Variants in CHD9 observed in about 807,000 individuals in gnomAD.
The protein encoded by CHD9 is ATP-dependent chromatin remodeler CHD9.
In CHD9, 77 loss-of-function variants were observed where a neutral mutation model predicts 316.1. The observed-to-expected ratio is 0.24, with a 90% CI of 0.20 to 0.29. The LOEUF (loss-of-function observed/expected upper bound fraction) is 0.29. CHD9 is among the 10% of genes least tolerant of loss of function. The pLI, the probability that CHD9 is intolerant of heterozygous loss-of-function variation, is 1.00. For synonymous variants in CHD9, 1,129 were observed against 1,158.3 expected (o/e 0.97, Z 0.51); for missense variants, 2,763 against 3,438.1 (o/e 0.80, Z 4.91).
At chr16:53,252,598 C>T (rs1463262453) in intron 17 of CHD9, among the ~76,000 whole-genome samples, 4 of 151,390 alleles carry the variant, frequency 2.6e-5, no homozygotes, top group Non-Finnish European at 5.9e-5. Flanking sequence ...AAACAGACAG[C>T]AGAGTAAACA....
At chr16:53,302,291 T>C in intron 30 of CHD9, among the ~76,000 whole-genome samples, 1 of 152,220 alleles carries the variant, frequency 6.6e-6, no homozygotes, top group East Asian at 1.9e-4. Flanking sequence ...TTTAATGACT[T>C]TGATACCTTT....
chr16:53,303,202 A>G (rs1267827085), intron 30 of CHD9, among the ~76,000 whole-genome samples: 2 of 146,184 alleles, frequency 1.4e-5, no homozygotes, highest in Non-Finnish European at 3.0e-5. Context: ...TTTTTTTGCA[A>G]TTTTTTTAAG....
At chr16:53,287,040 G>A (rs747852454) in intron 26 of CHD9, among the ~76,000 whole-genome samples, 1 of 152,084 alleles carries the variant, frequency 6.6e-6, no homozygotes. Flanking sequence ...TCTTACTGCA[G>A]CCTTGACCTC....
chr16:53,284,374 A>G (rs780479460), intron 24 of CHD9, among the ~76,000 whole-genome samples: 52 of 151,464 alleles, frequency 3.4e-4, no homozygotes, highest in Non-Finnish European at 1.5e-4. Context: ...TAATATACAT[A>G]TTTGTGTATG....
intron 27 of CHD9, among the ~76,000 whole-genome samples, chr16:53,290,515 T>G (rs1329219474): frequency 6.7e-6 from 1 of 149,956 alleles, no homozygotes; most frequent in Non-Finnish European, 1.5e-5. Flanking sequence ...AGGAGCTGGA[T>G]GCAGTGGCTC....
chr16:53,302,472 G>A (rs903775372), intron 30 of CHD9, among the ~76,000 whole-genome samples: 1 of 152,186 alleles, frequency 6.6e-6, no homozygotes, highest in Admixed American at 6.5e-5. Flanking sequence ...TATTACTGAT[G>A]ATGTTGACTT....
At chr16:53,091,933 GC>G (rs2035978648) in intron 1 of CHD9, among the ~76,000 whole-genome samples, 1 of 152,012 alleles carries the variant, frequency 6.6e-6, no homozygotes, top group African/African-American at 2.4e-5. Flanking sequence ...TATCCAAGCT[GC>G]AAGAGCATCC....
At chr16:53,149,736 A>T (rs1443016508) in intron 1 of CHD9, among the ~76,000 whole-genome samples, 1 of 150,768 alleles carries the variant, frequency 6.6e-6, no homozygotes, top group Non-Finnish European at 1.5e-5. Context: ...ATATATATAT[A>T]TTTTGTAGAA....
rs374873083 is a variant in CHD9, at chr16:53,066,680, AG to A, written c.-165+11604del. ...AGAGCCATACAGTCTTCTTGGTGTGAGCTATAGCTTCTTCTCTGCAGGCATT... is the reference window on the plus strand; with the variant it reads ...AGAGCCATACAGTCTTCTTGGTGTGACTATAGCTTCTTCTCTGCAGGCATT... On this transcript the variant is annotated intron_variant, in intron 1 of 38. Transcript: ENST00000447540. 8.5e-5 allele frequency among the ~76,000 whole-genome samples: 13 copies of A among 152,138 alleles called. No individual in the cohort carries two copies. The East Asian group carries it at 2.3e-3, about 27-fold the overall frequency.
intron 1 of CHD9, among the ~76,000 whole-genome samples, chr16:53,141,177 AG>A (rs1158804624): frequency 6.6e-6 from 1 of 152,188 alleles, no homozygotes; most frequent in Admixed American, 6.5e-5. Context: ...ATTATTTTAC[AG>A]TCATTTTTTG....
intron 29 of CHD9, 75 bp downstream of exon 29, chr16:53,293,127 T>C: frequency 7.6e-7 from 1 of 1,311,154 alleles, no homozygotes. Flanking sequence ...CTGGGTACAA[T>C]TATCACGCTT....
chr16:53,305,190 T>C (rs1310236045), intron 31 of CHD9, among the ~76,000 whole-genome samples: 1 of 151,988 alleles, frequency 6.6e-6, no homozygotes, highest in Non-Finnish European at 1.5e-5. Flanking sequence ...GCCTCCTGAG[T>C]AGCTAGGATT....
chr16:53,245,457 G>A lies in CHD9; in HGVS notation c.3176G>A (p.Gly1059Glu). Residue 1059 changes from glycine to glutamate, a missense_variant, in exon 14 of 39, where the codon GGG becomes GAG. By Grantham distance (98) the Gly-to-Glu change is moderately conservative (BLOSUM62 -2). Transcript: ENST00000447540. This position sits in a 1 kb window ranked among gnomAD's most constrained non-coding sequence, Gnocchi z 4.1. ...GAATCAACATTTATGCAAGAATTTG[G>A]GGATCTGAAAACAGAGGAACAGGTA... ...PSESTFMQEF[G>E]DLKTEEQVQK... 1.9e-6 allele frequency: 3 copies of A among 1,598,708 alleles called. No homozygotes were observed. The highest frequency in any genetic ancestry group is 2.6e-6 in the Non-Finnish European group (3 of 1,175,392).
intron 1 of CHD9, among the ~76,000 whole-genome samples, chr16:53,076,871 G>A (rs2152526155): frequency 6.6e-6 from 1 of 152,264 alleles, no homozygotes; most frequent in South Asian, 2.1e-4. Flanking sequence ...CAAGGTCTCA[G>A]TGGCAGGATC....
chr16:53,259,265 AAATTT>A (rs2050871693), intron 19 of CHD9, among the ~76,000 whole-genome samples: 2 of 152,340 alleles, frequency 1.3e-5, no homozygotes, highest in South Asian at 2.1e-4. Flanking sequence ...TTTGTAAATT[AAATTT>A]ATCATTTGTC....
intron 1 of CHD9, among the ~76,000 whole-genome samples, chr16:53,154,010 G>C (rs977612145): frequency 1.3e-5 from 2 of 152,184 alleles, no homozygotes; most frequent in African/African-American, 4.8e-5. Context: ...AATGGAAAGA[G>C]TATAAGTCCT....
chr16:53,197,431 G>A (rs1290881256), intron 2 of CHD9, among the ~76,000 whole-genome samples: 4 of 152,076 alleles, frequency 2.6e-5, no homozygotes, highest in Non-Finnish European at 5.9e-5. Context: ...ATTCAGTGAG[G>A]TTGCAGTAGA....
At chr16:53,315,768 C>T (rs534500124) in intron 36 of CHD9, among the ~76,000 whole-genome samples, 4 of 152,040 alleles carry the variant, frequency 2.6e-5, no homozygotes, top group African/African-American at 4.8e-5. Context: ...CATGAACCAC[C>T]GCACCCAGCC....
At chr16:53,153,797 C>T (rs1400013088) in intron 1 of CHD9, among the ~76,000 whole-genome samples, 6 of 152,130 alleles carry the variant, frequency 3.9e-5, no homozygotes, top group Admixed American at 3.9e-4. Flanking sequence ...ACTTCAGCCT[C>T]CCAAAGTGCT....
Sources: allele counts gnomAD v4.1 joint callset (sites outside exome capture counted in the v4.1 genomes callset), GRCh38; gene constraint gnomAD v4.1.1; non-coding constraint Gnocchi (gnomAD v3.1); transcripts MANE v1.5; gene names NCBI Gene and HGNC (gene_info 2026-07-23, HGNC 2026-07-21).